Variants in TNIP3 observed in about 807,000 individuals in gnomAD.
The protein encoded by TNIP3 is TNFAIP3 interacting protein 3, also known as TNFAIP3-interacting protein 3.
TNIP3 carries 34 observed loss-of-function variants against 54.1 expected under a neutral mutation model. That is an observed-to-expected ratio of 0.63 (90% confidence interval 0.48 to 0.84). The LOEUF is 0.84. TNIP3 is among the 40% of genes least tolerant of loss of function. TNIP3 has a pLI of 0.00. For synonymous variants in TNIP3, 134 were observed against 136.8 expected (o/e 0.98, Z 0.14); for missense variants, 366 against 387.6 (o/e 0.94, Z 0.47).
exon 3 of TNIP3, chr4:121,182,725 C>T (rs1560676321): frequency 2.6e-6 from 4 of 1,534,098 alleles, no homozygotes; most frequent in South Asian, 1.2e-5. Context: ...TGGGGTGAAC[C>T]GTTTTGGATG....
intron 3 of TNIP3, among the ~76,000 whole-genome samples, chr4:121,178,457 T>A (rs1327573402): frequency 6.6e-6 from 1 of 152,186 alleles, no homozygotes; most frequent in Non-Finnish European, 1.5e-5. Flanking sequence ...AGAGCAATAG[T>A]GTTTGGTTGC....
chr4:121,217,168 T>C (rs1191421598), upstream of TNIP3, among the ~76,000 whole-genome samples: 1 of 152,206 alleles, frequency 6.6e-6, no homozygotes, highest in African/African-American at 2.4e-5. Flanking sequence ...GGACTTACAG[T>C]AGAATCTTGA....
At chr4:121,171,919 G>C (rs889358086) in intron 3 of TNIP3, among the ~76,000 whole-genome samples, 1 of 152,008 alleles carries the variant, frequency 6.6e-6, no homozygotes, top group African/African-American at 2.4e-5. Context: ...TTTTAGTAGA[G>C]ATGGGGTTTC....
rs745395630 is a variant in TNIP3 at position 121,157,054 on chromosome 4, A to C, written c.363+40T>G. 4.3e-6 allele frequency: 7 copies of C among 1,610,400 alleles called. No individual in the cohort carries two copies. In the South Asian group the frequency reaches 7.7e-5, roughly 18 times the overall value. ...GAAATCCCCCCGCCCCTTTGCTTTT[A>C]TTTGGATCCTCCGGGCTCGAGGACC... On this transcript the variant is annotated intron_variant, in intron 4 of 10. Transcript: ENST00000057513.
intron 7 of TNIP3, among the ~76,000 whole-genome samples, chr4:121,143,751 A>G (rs549365700): frequency 2.2e-4 from 34 of 152,344 alleles, no homozygotes; most frequent in African/African-American, 8.2e-4. Flanking sequence ...CTGATTAAAG[A>G]CAACTTATTT....
intron 3 of TNIP3, among the ~76,000 whole-genome samples, chr4:121,170,609 A>G (rs1484898844): frequency 6.6e-6 from 1 of 151,980 alleles, no homozygotes; most frequent in African/African-American, 2.4e-5. Context: ...TTTGATTAAT[A>G]TTTAATAAAT....
At chr4:121,206,634 C>G (rs1726208487) in intron 2 of TNIP3, among the ~76,000 whole-genome samples, 1 of 152,056 alleles carries the variant, frequency 6.6e-6, no homozygotes, top group Non-Finnish European at 1.5e-5. Context: ...CTAGCCTCAG[C>G]CTTCCAGACT....
chr4:121,202,757 AG>A (rs920163249), intron 2 of TNIP3, among the ~76,000 whole-genome samples: 6 of 152,254 alleles, frequency 3.9e-5, no homozygotes, highest in Admixed American at 6.5e-5. Context: ...CCCATCAAAA[AG>A]TGGGCTAACG....
At chr4:121,169,904 T>C (rs13129000) in intron 3 of TNIP3, among the ~76,000 whole-genome samples, 51,181 of 152,180 alleles carry the variant, frequency 0.34, 10,087 homozygotes, top group African/African-American at 0.55. Flanking sequence ...CTTGATTATA[T>C]ACTTTTAGTT....
chr4:121,152,895 G>A (rs1729845199), intron 5 of TNIP3, among the ~76,000 whole-genome samples: 1 of 152,054 alleles, frequency 6.6e-6, no homozygotes, highest in African/African-American at 2.4e-5. Flanking sequence ...GGAGGAGTTG[G>A]CACAAAAATC....
At chr4:121,220,243 G>A (rs1448724705), upstream of TNIP3, among the ~76,000 whole-genome samples, 2 of 152,128 alleles carry the variant, frequency 1.3e-5, no homozygotes, top group Non-Finnish European at 2.9e-5. Flanking sequence ...TTAAAGCTGG[G>A]ACTCATGAAG....
At chr4:121,152,435 T>C (rs1729816347) in intron 5 of TNIP3, among the ~76,000 whole-genome samples, 1 of 152,214 alleles carries the variant, frequency 6.6e-6, no homozygotes, top group African/African-American at 2.4e-5. Context: ...GATGAAGTCT[T>C]TTCTGGCTTT....
Position 121,142,789 on chromosome 4 carries a change from C to A in TNIP3, c.736-13G>T. On this transcript the variant is annotated splice_polypyrimidine_tract_variant and intron_variant, in intron 7 of 10. Transcript: ENST00000057513. ...GACAAGCTTTTATCTAAAGACAAAA[C>A]AAAGGCATTTGTTAATCAAGACAAG... is the stretch of plus-strand genomic sequence containing the variant. The A allele has an allele frequency of 6.2e-7, 1 of 1,608,434 alleles. No individual in the cohort carries two copies. The highest frequency in any genetic ancestry group is 8.5e-7 in the Non-Finnish European group (1 of 1,175,708).
At chr4:121,208,565 T>C (rs1251757092) in intron 2 of TNIP3, among the ~76,000 whole-genome samples, 2 of 152,210 alleles carry the variant, frequency 1.3e-5, no homozygotes, top group Non-Finnish European at 2.9e-5. Flanking sequence ...GAGACAGATT[T>C]GAGTAAGAAT....
upstream of TNIP3, among the ~76,000 whole-genome samples, chr4:121,218,110 AC>A (rs1726877342): frequency 6.6e-6 from 1 of 152,228 alleles, no homozygotes; most frequent in Non-Finnish European, 1.5e-5. Context: ...AAAATTAGAT[AC>A]TGATATATTT....
chr4:121,167,948 A>G (rs1730853942), upstream of TNIP3, among the ~76,000 whole-genome samples: 1 of 152,060 alleles, frequency 6.6e-6, no homozygotes, highest in Non-Finnish European at 1.5e-5. Context: ...TTTGATCAGG[A>G]TAGCTTAGTT....
At chr4:121,216,029 G>A (rs1475831138) in intron 2 of TNIP3, among the ~76,000 whole-genome samples, 1 of 152,064 alleles carries the variant, frequency 6.6e-6, no homozygotes, top group African/African-American at 2.4e-5. Flanking sequence ...CTTCAGGTGA[G>A]CTAAGGATTA....
upstream of TNIP3, among the ~76,000 whole-genome samples, chr4:121,169,055 A>G (rs1730928060): frequency 6.6e-6 from 1 of 151,818 alleles, no homozygotes; most frequent in Non-Finnish European, 1.5e-5. Context: ...CCTCCCCATT[A>G]TTAACACAGT....
upstream of TNIP3, among the ~76,000 whole-genome samples, chr4:121,166,818 C>G (rs977939349): frequency 2.0e-5 from 3 of 152,120 alleles, no homozygotes; most frequent in Non-Finnish European, 4.4e-5. Flanking sequence ...TTTCCTGAAT[C>G]TATTTGCATG....
Sources: gnomAD v4.1 joint callset for allele counts (sites outside exome capture counted in the v4.1 genomes callset) on GRCh38, gnomAD v4.1.1 for gene constraint, MANE v1.5 for transcripts, NCBI Gene and HGNC (gene_info 2026-07-23, HGNC 2026-07-21) for gene names.